The following PKN2 variants were observed in gnomAD, a reference collection of about 807,000 sequenced individuals.
The protein encoded by PKN2 is protein kinase N2.
PKN2 carries 38 observed loss-of-function variants against 119.1 expected under a neutral mutation model. The ratio of observed to expected loss-of-function variants is 0.32; its 90% CI spans 0.25 to 0.42. The LOEUF (loss-of-function observed/expected upper bound fraction) is 0.42, where lower values mean the gene tolerates loss of function less well. Ranked by LOEUF, PKN2 falls within the 10% of genes least tolerant of loss-of-function variation. The pLI is 1.00. For missense variants in PKN2, 850 were observed against 1,165.1 expected, an observed-to-expected ratio of 0.73 and a Z score of 3.94; for synonymous variants, 390 against 384.9, an observed-to-expected ratio of 1.01 and a Z score of -0.15.
chr1:88,725,575 A>C (rs757584119), intron 1 of PKN2, among the ~76,000 whole-genome samples: 1 of 151,996 alleles, frequency 6.6e-6, no homozygotes, highest in African/African-American at 2.4e-5. Context: ...GTTCAAGCCT[A>C]TTTTCTAAAT....
chr1:88,784,290 A>AT (rs1670481297), intron 6 of PKN2, among the ~76,000 whole-genome samples: 1 of 151,604 alleles, frequency 6.6e-6, no homozygotes, highest in Non-Finnish European at 1.5e-5. Flanking sequence ...CGCCCAGCTA[A>AT]TTTTTTGTAT....
At chr1:88,688,009 GA>G (rs771086510) in intron 1 of PKN2, among the ~76,000 whole-genome samples, 1 of 152,220 alleles carries the variant, frequency 6.6e-6, no homozygotes, top group South Asian at 2.1e-4. Flanking sequence ...ACAAGTTCAA[GA>G]ATGTTAAGGA....
chr1:88,737,237 G>C (rs1309746139), intron 1 of PKN2, among the ~76,000 whole-genome samples: 1 of 152,174 alleles, frequency 6.6e-6, no homozygotes, highest in Non-Finnish European at 1.5e-5. Context: ...TGTGGCTCAA[G>C]TCCACTGCAG....
chr1:88,714,134 T>G (rs931497224), intron 1 of PKN2, among the ~76,000 whole-genome samples: 8 of 152,096 alleles, frequency 5.3e-5, no homozygotes, highest in African/African-American at 1.9e-4. Context: ...CTGTTCCATT[T>G]GTCTATATCT....
At chr1:88,756,505 G>C (rs1335797200) in intron 2 of PKN2, among the ~76,000 whole-genome samples, 1 of 151,936 alleles carries the variant, frequency 6.6e-6, no homozygotes, top group Admixed American at 6.6e-5. Flanking sequence ...CTCATCCTAG[G>C]CTAAATACAC....
intron 6 of PKN2, among the ~76,000 whole-genome samples, chr1:88,783,220 A>G (rs1207964375): frequency 6.6e-6 from 1 of 152,208 alleles, no homozygotes; most frequent in Non-Finnish European, 1.5e-5. Flanking sequence ...TGAATACTTG[A>G]AAACCCTCTG....
chr1:88,813,312 G>T (rs1671853942), intron 15 of PKN2, among the ~76,000 whole-genome samples: 1 of 152,034 alleles, frequency 6.6e-6, no homozygotes, highest in African/African-American at 2.4e-5. Flanking sequence ...AACCATGTAT[G>T]TGCTATAGAC....
intron 8 of PKN2, among the ~76,000 whole-genome samples, chr1:88,786,934 TACTTTTA>T (rs1670601691): frequency 6.7e-6 from 1 of 149,206 alleles, no homozygotes; most frequent in South Asian, 2.2e-4. Context: ...TCTAAGCCTC[TACTTTTA>T]AAACTGGGAA....
At chr1:88,715,687 T>C (rs1031181537) in intron 1 of PKN2, among the ~76,000 whole-genome samples, 21 of 152,174 alleles carry the variant, frequency 1.4e-4, no homozygotes, top group African/African-American at 5.1e-4. Context: ...TCTTCTCTCT[T>C]TTCTTTATTA....
At chr1:88,779,177 C>T (rs376044808) in intron 6 of PKN2, among the ~76,000 whole-genome samples, 1 of 150,890 alleles carries the variant, frequency 6.6e-6, no homozygotes, top group Admixed American at 6.6e-5. Context: ...ATACTGCCCC[C>T]AAGGTATTGG....
intron 8 of PKN2, among the ~76,000 whole-genome samples, chr1:88,792,920 A>G (rs1298691526): frequency 6.6e-6 from 1 of 152,208 alleles, no homozygotes; most frequent in Non-Finnish European, 1.5e-5. Context: ...ATGGTATTGC[A>G]TTAAATACCA....
chr1:88,753,810 C>T (rs1423307169), intron 2 of PKN2, among the ~76,000 whole-genome samples: 1 of 152,052 alleles, frequency 6.6e-6, no homozygotes, highest in Non-Finnish European at 1.5e-5. Flanking sequence ...CCCGCCAGGC[C>T]TCATGTTCAA....
In PKN2 at chr1:88,821,932, T is replaced by C; in HGVS notation, c.2280-9T>C. 6.4e-7 allele frequency: 1 copy of C among 1,565,686 alleles called. No homozygotes were observed. ...TATTAAACTCCTGTTGATTTAATTC[T>C]TCAAACAGATTTTATGCTGCTTGTG... On this transcript the variant is annotated splice_polypyrimidine_tract_variant and intron_variant, in intron 16 of 21. Coordinates refer to ENST00000370521, the MANE Select transcript of PKN2 (RefSeq NM_006256.4).
At chr1:88,760,046 G>GT (rs11358635) in intron 2 of PKN2, among the ~76,000 whole-genome samples, 176 bp from the exon 3 acceptor site, 9,386 of 135,586 alleles carry the variant, frequency 0.069, 562 homozygotes, top group African/African-American at 0.16. Flanking sequence ...TCAGATACGT[G>GT]TTTTTTTTTT....
chr1:88,810,357 G>A lies in PKN2; in HGVS notation c.2102+2582G>A, dbSNP rs529840726. On this transcript the variant is annotated intron_variant, in intron 15 of 21. Coordinates refer to ENST00000370521, the MANE Select transcript of PKN2 (RefSeq NM_006256.4). ...GGCTGGTCTCAAACTCCTGAGCTCA[G>A]GTGATCTGCCCGCCTCAGCCTCCCA... Among the ~76,000 whole-genome samples, 3 of 151,956 alleles carry A rather than the reference G, an allele frequency of 2.0e-5. No homozygotes were observed. In the East Asian group the frequency reaches 5.8e-4, roughly 30 times the overall value.
At chr1:88,735,149 T>C (rs1379562186) in intron 1 of PKN2, among the ~76,000 whole-genome samples, 3 of 152,188 alleles carry the variant, frequency 2.0e-5, no homozygotes, top group African/African-American at 7.2e-5. Flanking sequence ...AGAACTGTTT[T>C]TAGCATTTTT....
chr1:88,695,918 C>G (rs910804040), intron 1 of PKN2, among the ~76,000 whole-genome samples: 7 of 152,016 alleles, frequency 4.6e-5, no homozygotes, highest in African/African-American at 1.7e-4. Flanking sequence ...TCTTAGATGC[C>G]TTGTCTACCG....
At chr1:88,826,381 A>G (rs990743168) in intron 18 of PKN2, among the ~76,000 whole-genome samples, 5 of 152,302 alleles carry the variant, frequency 3.3e-5, no homozygotes, top group African/African-American at 1.2e-4. Context: ...AATTTATAAC[A>G]ATCGTATGAA....
At chr1:88,696,619 TAGTC>T (rs1316882765) in intron 1 of PKN2, among the ~76,000 whole-genome samples, 3 of 152,166 alleles carry the variant, frequency 2.0e-5, no homozygotes, top group African/African-American at 7.2e-5. Context: ...TGAGTGGCCT[TAGTC>T]AGTGGAACAT....
Sources: allele counts gnomAD v4.1 joint callset (sites outside exome capture counted in the v4.1 genomes callset), GRCh38; gene constraint gnomAD v4.1.1; transcripts MANE v1.5; gene names NCBI Gene and HGNC (gene_info 2026-07-23, HGNC 2026-07-21).